Variants in THNSL2 observed in about 807,000 individuals in gnomAD.
THNSL2 encodes threonine synthase like 2.
THNSL2 carries 34 observed loss-of-function variants against 40.0 expected under a neutral mutation model. The observed-to-expected ratio is 0.85, with a 90% CI of 0.65 to 1.13. The LOEUF (loss-of-function observed/expected upper bound fraction) is 1.13. THNSL2 is among the 50% of genes most tolerant of loss of function. The pLI is 0.00. For synonymous variants in THNSL2, 241 were observed against 247.5 expected, an observed-to-expected ratio of 0.97 and a Z score of 0.25; for missense variants, 537 against 608.8, an observed-to-expected ratio of 0.88 and a Z score of 1.24.
In THNSL2 at chr2:88,174,654, C is replaced by A. The variant is rs142704703; in HGVS notation, c.239C>A (p.Ala80Asp). Residue 80 changes from alanine (A) to aspartate (D), a missense_variant, in exon 3 of 9, where the codon GCC becomes GAC. Transcript: ENST00000674334. ...ACCCTCACAGATCTGATCGACCGAG[C>A]CTTCAGCAGATTCCGTCACAGAGAA... is the stretch of plus-strand genomic sequence containing the variant. ...KDELNDLIDRAFSRFRHREVV... is the reference protein window; with the variant it reads ...KDELNDLIDRDFSRFRHREVV... 22 of 1,614,086 alleles carry A rather than the reference C, an allele frequency of 1.4e-5. No individual in the cohort carries two copies. The highest frequency in any genetic ancestry group is 1.7e-5 in the Non-Finnish European group (20 of 1,179,972).
intron 4 of THNSL2, 69 bp downstream of exon 4, chr2:88,175,470 G>A: frequency 2.5e-6 from 4 of 1,577,870 alleles, no homozygotes; most frequent in Non-Finnish European, 3.5e-6. Flanking sequence ...TTGGGAGATG[G>A]ACTGGAACAA....
rs1449155695 is a variant in THNSL2, at chr2:88,186,246, C to G, written c.*123C>G. On this transcript the variant is annotated 3_prime_UTR_variant, in exon 9 of 9. Transcript: ENST00000674334. ...TTTCCGGGAGGCTGCTCAGCTGGATCTGGAGCCAGCTGGCTTTGCTCCGTT... is the reference window on the plus strand; with the variant it reads ...TTTCCGGGAGGCTGCTCAGCTGGATGTGGAGCCAGCTGGCTTTGCTCCGTT... 4 of 958,984 alleles carry G rather than the reference C, an allele frequency of 4.2e-6. No individual in the cohort carries two copies. The highest frequency in any genetic ancestry group is 1.6e-5 in the African/African-American group (1 of 61,214). 59.4% of individuals were successfully genotyped at this position (958,984 alleles called of 1,614,324 possible).
In THNSL2 at chr2:88,186,225, C is replaced by A. The variant is rs747665892; in HGVS notation, c.*102C>A. On this transcript the variant is annotated 3_prime_UTR_variant, in exon 9 of 9. Coordinates refer to ENST00000674334, the MANE Select transcript of THNSL2 (RefSeq NM_018271.5). Reference sequence around the variant, plus strand: ...CATTAAGCGTAGGTTAGGAGGTTTCCGGGAGGCTGCTCAGCTGGATCTGGA... The same window carrying A: ...CATTAAGCGTAGGTTAGGAGGTTTCAGGGAGGCTGCTCAGCTGGATCTGGA... 1 of 1,184,156 alleles carries A rather than the reference C, an allele frequency of 8.4e-7. No homozygotes were observed. The highest frequency in any genetic ancestry group is 1.2e-6 in the Non-Finnish European group (1 of 829,562). The allele number at this position is 1,184,156 out of a possible 1,614,324, so 73.4% of individuals were successfully genotyped here.
chr2:88,181,107 C>A (rs1677502753), intron 5 of THNSL2, among the ~76,000 whole-genome samples: 1 of 2,148 alleles, frequency 4.7e-4, no homozygotes. Context: ...TCTCTCCTCT[C>A]TCTCCTCTCT....
chr2:88,172,891 G>T (rs140905816), intron 1 of THNSL2: 66 of 328,904 alleles, frequency 2.0e-4, no homozygotes, highest in African/African-American at 1.2e-3. Context: ...GGCATGCTCC[G>T]ATACCCTCTC....
intron 4 of THNSL2, among the ~76,000 whole-genome samples, chr2:88,177,813 C>T (rs1677098464): frequency 6.6e-6 from 1 of 152,216 alleles, no homozygotes; most frequent in Admixed American, 6.5e-5. Flanking sequence ...AATTTATTCA[C>T]ATGCTCATTG....
intron 4 of THNSL2, 140 bp from the exon 5 acceptor site, chr2:88,178,643 G>T (rs1483699738): frequency 4.0e-6 from 3 of 753,798 alleles, no homozygotes; most frequent in South Asian, 3.4e-5. Flanking sequence ...GCCAAGCTAC[G>T]TGAAAGTAAA....
chr2:88,185,063 G>A (rs910682135), intron 7 of THNSL2, among the ~76,000 whole-genome samples: 1 of 152,174 alleles, frequency 6.6e-6, no homozygotes, highest in African/African-American at 2.4e-5. Flanking sequence ...GCAAGTTGTT[G>A]AACAAATCTA....
chr2:88,180,181 A>G (rs548591608), intron 5 of THNSL2, among the ~76,000 whole-genome samples: 2 of 152,352 alleles, frequency 1.3e-5, no homozygotes, highest in African/African-American at 4.8e-5. Context: ...TGCTCGATAC[A>G]AAATAAACAC....
At chr2:88,172,193 A>G (rs1676448086) in intron 1 of THNSL2, 1 of 152,310 alleles carries the variant, frequency 6.6e-6, no homozygotes, top group Admixed American at 6.5e-5. Context: ...GTCATGATCC[A>G]GAAGAAGGTG....
Position 88,182,792 on chromosome 2 carries a change from A to G in THNSL2, c.896A>G (p.Asp299Gly). 1 of 1,614,042 alleles carries G rather than the reference A, an allele frequency of 6.2e-7. No homozygotes were observed. ...DIIHRTVQQGDFSLSEAVKST... is the reference protein window; with the variant it reads ...DIIHRTVQQGGFSLSEAVKST... ...ATCCACAGGACTGTCCAGCAGGGAG[A>G]CTTCTCTCTCTCTGAGGCTGTTAAA... The change falls in exon 6 of 9, where the codon GAC becomes GGC. Residue 299 changes from aspartate (D) to glycine (G), a missense_variant. Coordinates refer to ENST00000674334, the MANE Select transcript of THNSL2 (RefSeq NM_018271.5).
rs1573204732 is a variant in THNSL2 at position 88,182,465 on chromosome 2, A to G, written c.803-234A>G. On this transcript the variant is annotated intron_variant, in intron 5 of 8. Transcript: ENST00000674334. ...TAATTGGGTTATTTGTATTTTTATT[A>G]TTGAGTTGCAACAGTTCTTTATATA... 8.2e-6 allele frequency: 3 copies of G among 367,162 alleles called. No homozygotes were observed. In the East Asian group the frequency reaches 1.3e-4, roughly 16 times the overall value. The allele number at this position is 367,162 out of a possible 1,614,324, so 22.7% of individuals were successfully genotyped here.
rs1331561974 is a variant in THNSL2 at position 88,180,346 on chromosome 2, A to T, written c.802+1333A>T. On this transcript the variant is annotated intron_variant, in intron 5 of 8. Coordinates refer to ENST00000674334, the MANE Select transcript of THNSL2 (RefSeq NM_018271.5). ...TCATGAGGATCAGGTGAAATAAGAA[A>T]GAGAAAGTTGAGATTAGTAGTTCGA... 2.6e-5 allele frequency among the ~76,000 whole-genome samples: 4 copies of T among 152,212 alleles called. No homozygotes were observed. The East Asian group carries it at 7.7e-4, about 29-fold the overall frequency.
chr2:88,186,237 C>G lies in THNSL2; in HGVS notation c.*114C>G. 9.3e-7 allele frequency: 1 copy of G among 1,072,006 alleles called. No individual in the cohort carries two copies. The highest frequency in any genetic ancestry group is 2.2e-5 in the Admixed American group (1 of 46,220). The allele number at this position is 1,072,006 out of a possible 1,614,324, so 66.4% of individuals were successfully genotyped here. A position where few individuals can be genotyped will look rare whatever the true frequency, so the allele number is the denominator to read the frequency against. On this transcript the variant is annotated 3_prime_UTR_variant, in exon 9 of 9. Transcript: ENST00000674334. ...GTTAGGAGGTTTCCGGGAGGCTGCT[C>G]AGCTGGATCTGGAGCCAGCTGGCTT...
At chr2:88,177,651 C>T (rs1042079960) in intron 4 of THNSL2, among the ~76,000 whole-genome samples, 4 of 152,240 alleles carry the variant, frequency 2.6e-5, no homozygotes, top group African/African-American at 9.6e-5. Context: ...ATTCTCTGCT[C>T]TGCCCTCCTC....
At chr2:88,183,977 G>A (rs547949705) in intron 7 of THNSL2, among the ~76,000 whole-genome samples, 2 of 152,244 alleles carry the variant, frequency 1.3e-5, no homozygotes, top group African/African-American at 2.4e-5. Flanking sequence ...TTCTACATCC[G>A]AGTGTTTCCA....
intron 7 of THNSL2, 40 bp from the exon 8 acceptor site, chr2:88,185,286 TCC>T: frequency 6.5e-7 from 1 of 1,539,914 alleles, no homozygotes. Flanking sequence ...TTTCCCTACA[TCC>T]CCCCCCCACA....
chr2:88,174,337 T>A (rs1269669739), intron 2 of THNSL2, among the ~76,000 whole-genome samples: 1 of 152,094 alleles, frequency 6.6e-6, no homozygotes, highest in Non-Finnish European at 1.5e-5. Flanking sequence ...GACCCCTGAT[T>A]GGAATACATG....
chr2:88,175,242 C>T lies in THNSL2; in HGVS notation c.419-7C>T. On this transcript the variant is annotated splice_polypyrimidine_tract_variant and splice_region_variant and intron_variant, in intron 3 of 8. Transcript: ENST00000674334. ...AAGGGGGAGAGTTCTCCTTTCTTCC[C>T]ATCCAGGAACATCTGGGGACACAGG... is the stretch of plus-strand genomic sequence containing the variant. 6.2e-7 allele frequency: 1 copy of T among 1,613,098 alleles called. No individual in the cohort carries two copies. Among genetic ancestry groups the T allele is most frequent in the Non-Finnish European group, 8.5e-7 (1 of 1,179,380 alleles).
Sources: allele counts gnomAD v4.1 joint callset (sites outside exome capture counted in the v4.1 genomes callset), GRCh38; gene constraint gnomAD v4.1.1; transcripts MANE v1.5; gene names NCBI Gene and HGNC (gene_info 2026-07-23, HGNC 2026-07-21).